CLIC6: variants seen among roughly 807,000 people sequenced by gnomAD.
CLIC6 encodes the protein CLIC family member 6.
CLIC6 carries 39 observed loss-of-function variants against 49.2 expected under a neutral mutation model. The ratio of observed to expected loss-of-function variants is 0.79; its 90% CI spans 0.61 to 1.04. The LOEUF (loss-of-function observed/expected upper bound fraction) is 1.04. Among genes scored for constraint, CLIC6 ranks in the 50% least tolerant of loss-of-function variants. CLIC6 has a pLI of 0.00. For missense variants in CLIC6, 988 were observed against 993.1 expected, an observed-to-expected ratio of 0.99 and a Z score of 0.07; for synonymous variants, 446 against 433.4, an observed-to-expected ratio of 1.03 and a Z score of -0.36.
rs185313738 is a variant in CLIC6 at position 34,703,718 on chromosome 21, C to T, written c.1375-3562C>T. Among the ~76,000 whole-genome samples the T allele has an allele frequency of 2.6e-3, 392 of 152,178 alleles. 6 individuals carry two copies. The South Asian group carries it at 0.026, about 10-fold the overall frequency. On this transcript the variant is annotated intron_variant, in intron 1 of 5. Transcript: ENST00000349499. ...CCTCGTGGTGCCATTTGGACCCATA[C>T]GACTCGGACCTTGGTGGGGAGCCCT...
chr21:34,708,688 G>A lies in CLIC6; in HGVS notation c.1611-12G>A, dbSNP rs2056033649. 6.3e-7 allele frequency: 1 copy of A among 1,594,470 alleles called. No individual in the cohort carries two copies. Among genetic ancestry groups the A allele is most frequent in the African/African-American group, 1.3e-5 (1 of 74,594 alleles). On this transcript the variant is annotated splice_polypyrimidine_tract_variant and intron_variant, in intron 3 of 5. Coordinates refer to ENST00000349499, the MANE Select transcript of CLIC6 (RefSeq NM_053277.3). ...CACTTGTCTGTGATCCTCCAATTTT[G>A]AACTTTTCAAGGTATCCCAAGCTGG... is the stretch of plus-strand genomic sequence containing the variant.
intron 1 of CLIC6, among the ~76,000 whole-genome samples, chr21:34,690,758 TGATTTCA>T (rs1989977187): frequency 1.3e-5 from 2 of 151,384 alleles, no homozygotes; most frequent in African/African-American, 4.9e-5. Context: ...TACATGAAGC[TGATTTCA>T]GCCTGGGTCA....
intron 5 of CLIC6, 144 bp downstream of exon 5, chr21:34,709,682 C>A: frequency 1.4e-6 from 1 of 715,318 alleles, no homozygotes; most frequent in Non-Finnish European, 2.2e-6. Context: ...TCGGGGCAGC[C>A]AAGCCCCAGC....
intron 5 of CLIC6, 149 bp from the exon 6 acceptor site, chr21:34,716,172 G>C: frequency 1.5e-6 from 1 of 650,686 alleles, no homozygotes; most frequent in South Asian, 1.9e-5. Context: ...TGCAAGTCAA[G>C]ATGCCGTGGT....
chr21:34,678,023 T>C (rs1293486937), intron 1 of CLIC6, among the ~76,000 whole-genome samples: 1 of 152,246 alleles, frequency 6.6e-6, no homozygotes, highest in Non-Finnish European at 1.5e-5. Flanking sequence ...CCAGCCATGC[T>C]TGTTCTTTGA....
intron 1 of CLIC6, among the ~76,000 whole-genome samples, chr21:34,701,921 T>C (rs1466005447): frequency 1.3e-5 from 2 of 151,624 alleles, no homozygotes; most frequent in South Asian, 2.1e-4. Context: ...TCTCACTTTC[T>C]CTCCCACCTC....
At chr21:34,711,364 T>C (rs2056055204) in intron 5 of CLIC6, among the ~76,000 whole-genome samples, 2 of 152,098 alleles carry the variant, frequency 1.3e-5, no homozygotes, top group African/African-American at 4.8e-5. Flanking sequence ...AAACCCTATC[T>C]CTACAAAAAA....
chr21:34,690,806 C>A, intron 1 of CLIC6, among the ~76,000 whole-genome samples: 1 of 151,368 alleles, frequency 6.6e-6, no homozygotes, highest in South Asian at 2.1e-4. Flanking sequence ...AGTGTGGGTG[C>A]CCCCTCCTTT....
intron 3 of CLIC6, among the ~76,000 whole-genome samples, 159 bp from the exon 4 acceptor site, chr21:34,708,541 G>A (rs1369109028): frequency 2.0e-5 from 3 of 152,174 alleles, no homozygotes; most frequent in African/African-American, 7.2e-5. Context: ...TCTCCTAGAT[G>A]TTGTTACTTC....
chr21:34,698,016 CAT>C (rs1321289765), intron 1 of CLIC6, among the ~76,000 whole-genome samples: 2 of 152,202 alleles, frequency 1.3e-5, no homozygotes, highest in African/African-American at 4.8e-5. Context: ...TAAGGAATCT[CAT>C]AGGCCTGTGA....
At chr21:34,695,657 C>T (rs1990076124) in intron 1 of CLIC6, among the ~76,000 whole-genome samples, 1 of 152,208 alleles carries the variant, frequency 6.6e-6, no homozygotes, top group African/African-American at 2.4e-5. Context: ...CCAGTGTCTT[C>T]TCAGACTCTG....
chr21:34,698,904 G>A (rs905398790), intron 1 of CLIC6, among the ~76,000 whole-genome samples: 1 of 152,180 alleles, frequency 6.6e-6, no homozygotes, highest in Non-Finnish European at 1.5e-5. Flanking sequence ...CGGCAAGAGT[G>A]GCTTCAAAAG....
At chr21:34,684,081 C>T (rs1346303114) in intron 1 of CLIC6, among the ~76,000 whole-genome samples, 2 of 149,964 alleles carry the variant, frequency 1.3e-5, no homozygotes, top group East Asian at 3.9e-4. Flanking sequence ...GAGAAGTAAA[C>T]GCTGCTTTTT....
At chr21:34,706,128 G>T in intron 1 of CLIC6, 1 of 645,998 alleles carries the variant, frequency 1.5e-6, no homozygotes, top group South Asian at 1.9e-5. Flanking sequence ...AAATGCTGCA[G>T]GCTTTGTAGG....
At chr21:34,679,323 G>A (rs753036838) in intron 1 of CLIC6, among the ~76,000 whole-genome samples, 8 of 152,142 alleles carry the variant, frequency 5.3e-5, no homozygotes, top group African/African-American at 1.9e-4. Context: ...TCACTATCAC[G>A]AGAACAGCAT....
At chr21:34,699,410 C>T (rs980187104) in intron 1 of CLIC6, among the ~76,000 whole-genome samples, 1 of 138,164 alleles carries the variant, frequency 7.2e-6, no homozygotes, top group East Asian at 2.0e-4. Context: ...TGTCACCATA[C>T]CTGGCTTTTT....
At position 34,708,740 on chromosome 21, in the gene CLIC6, G is replaced by T. The variant is rs145427334; in HGVS notation, c.1651G>T (p.Ala551Ser). 1.9e-6 allele frequency: 3 copies of T among 1,614,074 alleles called. No individual in the cohort carries two copies. The East Asian group carries it at 6.7e-5, about 36-fold the overall frequency. ...GACCCAACATCCCGAATCTAATTCC[G>T]CAGGAAATGACGTGTTTGCCAAATT... ...LGTQHPESNS[A>S]GNDVFAKFSA... The change falls in exon 4 of 6, where the codon GCA becomes TCA. Residue 551 changes from alanine (A) to serine (S), a missense_variant. By Grantham distance (99) the Ala-to-Ser change is moderately conservative. Coordinates refer to ENST00000349499, the MANE Select transcript of CLIC6 (RefSeq NM_053277.3).
chr21:34,703,689 G>A (rs192873233), intron 1 of CLIC6, among the ~76,000 whole-genome samples: 2 of 152,310 alleles, frequency 1.3e-5, no homozygotes, highest in Non-Finnish European at 2.9e-5. Flanking sequence ...GGAGGAACTG[G>A]TGACCTCGTG....
intron 1 of CLIC6, among the ~76,000 whole-genome samples, chr21:34,689,461 C>A (rs1387895188): frequency 6.6e-6 from 1 of 152,216 alleles, no homozygotes; most frequent in African/African-American, 2.4e-5. Context: ...TTTCAAACCA[C>A]GTGCCTTGTA....
Sources: gnomAD v4.1 joint callset for allele counts (sites outside exome capture counted in the v4.1 genomes callset) on GRCh38, gnomAD v4.1.1 for gene constraint, MANE v1.5 for transcripts, NCBI Gene and HGNC (gene_info 2026-07-23, HGNC 2026-07-21) for gene names.